EMSY: variants seen among roughly 807,000 people sequenced by gnomAD.
EMSY encodes BRCA2-interacting transcriptional repressor EMSY.
EMSY carries 26 observed loss-of-function variants against 134.6 expected under a neutral mutation model. The ratio of observed to expected loss-of-function variants is 0.19; its 90% CI spans 0.14 to 0.27. The LOEUF is 0.27. EMSY is among the 10% of genes least tolerant of loss of function. The pLI, the probability that EMSY is intolerant of heterozygous loss-of-function variation, is 1.00. For missense variants in EMSY, 1,305 were observed against 1,611.4 expected, an observed-to-expected ratio of 0.81 and a Z score of 3.26; for synonymous variants, 579 against 577.8, an observed-to-expected ratio of 1.00 and a Z score of -0.03.
rs370174107 is a variant in EMSY, at chr11:76,472,554, T to C, written c.832-10T>C. ...AGGTACATAAAAATAACTTATTTTT[T>C]ATTCCTTAGGTTATTATAGTCACCA... On this transcript the variant is annotated splice_polypyrimidine_tract_variant and intron_variant, in intron 7 of 20. Coordinates refer to ENST00000334736, the Ensembl canonical transcript of EMSY. 21 of 1,607,420 alleles carry C rather than the reference T, an allele frequency of 1.3e-5. No homozygotes were observed. The African/African-American group carries it at 2.8e-4, about 22-fold the overall frequency.
At chr11:76,528,906 T>C (rs1950938663) in intron 14 of EMSY, among the ~76,000 whole-genome samples, 1 of 152,120 alleles carries the variant, frequency 6.6e-6, no homozygotes, top group African/African-American at 2.4e-5. Context: ...GTAAGTAGGG[T>C]GACTATACAT....
At chr11:76,538,920 T>G (rs905824205) in intron 16 of EMSY, among the ~76,000 whole-genome samples, 1 of 152,200 alleles carries the variant, frequency 6.6e-6, no homozygotes, top group Non-Finnish European at 1.5e-5. Context: ...ACTATGCCAC[T>G]GCACTCCAGC....
At chr11:76,514,889 C>G (rs1283502422) in intron 10 of EMSY, among the ~76,000 whole-genome samples, 2 of 152,036 alleles carry the variant, frequency 1.3e-5, no homozygotes, top group African/African-American at 4.8e-5. Context: ...CAGTGTTATG[C>G]ATATATGATT....
At chr11:76,536,455 G>T (rs1450372906) in intron 15 of EMSY, among the ~76,000 whole-genome samples, 1 of 152,128 alleles carries the variant, frequency 6.6e-6, no homozygotes. Flanking sequence ...CAGATTGAAG[G>T]GCCTTGCCAT....
At chr11:76,455,883 T>C (rs1947851633) in intron 4 of EMSY, among the ~76,000 whole-genome samples, 1 of 152,184 alleles carries the variant, frequency 6.6e-6, no homozygotes, top group South Asian at 2.1e-4. Flanking sequence ...AAAGTGTCTA[T>C]CTGGAATTTC....
At chr11:76,450,908 G>A (rs897979467) in intron 2 of EMSY, among the ~76,000 whole-genome samples, 3 of 149,546 alleles carry the variant, frequency 2.0e-5, no homozygotes, top group Admixed American at 6.7e-5. Flanking sequence ...ATCCTCCCAC[G>A]TCAGCCTCCT....
At chr11:76,510,302 AT>A (rs753114634) in intron 9 of EMSY, among the ~76,000 whole-genome samples, 1 of 152,254 alleles carries the variant, frequency 6.6e-6, no homozygotes, top group Non-Finnish European at 1.5e-5. Flanking sequence ...GTGAGCCATG[AT>A]CACACCATTG....
At chr11:76,519,721 C>A (rs1042683757) in intron 11 of EMSY, among the ~76,000 whole-genome samples, 1 of 152,098 alleles carries the variant, frequency 6.6e-6, no homozygotes, top group South Asian at 2.1e-4. Flanking sequence ...AATTTGTGTT[C>A]TTCTTTAAGC....
chr11:76,447,601 C>G (rs1285530249), intron 2 of EMSY, among the ~76,000 whole-genome samples: 1 of 152,060 alleles, frequency 6.6e-6, no homozygotes, highest in Non-Finnish European at 1.5e-5. Flanking sequence ...GTTTCTTTTC[C>G]CTTACAGCAG....
chr11:76,512,805 AT>A, intron 9 of EMSY, among the ~76,000 whole-genome samples: 2 of 151,666 alleles, frequency 1.3e-5, no homozygotes, highest in African/African-American at 2.4e-5. Context: ...GTCCACACAC[AT>A]TTTTTTGTGT....
chr11:76,505,744 C>CTACTTGG (rs1337440309), intron 9 of EMSY, among the ~76,000 whole-genome samples: 1 of 151,968 alleles, frequency 6.6e-6, no homozygotes, highest in Non-Finnish European at 1.5e-5. Context: ...GTAGTCCCAG[C>CTACTTGG]TACTTGGGAG....
intron 8 of EMSY, among the ~76,000 whole-genome samples, chr11:76,479,578 C>T (rs1948891385): frequency 6.6e-6 from 1 of 152,132 alleles, no homozygotes; most frequent in South Asian, 2.1e-4. Context: ...TCCAAAAGGC[C>T]TGCAGATACC....
chr11:76,489,637 CT>C (rs1483794502), intron 8 of EMSY, among the ~76,000 whole-genome samples: 3 of 144,448 alleles, frequency 2.1e-5, no homozygotes, highest in Non-Finnish European at 3.0e-5. Context: ...TGGAGTCTTG[CT>C]CTATCGCCCA....
At chr11:76,549,672 A>G (rs1169467707) in intron 20 of EMSY, among the ~76,000 whole-genome samples, 1 of 152,172 alleles carries the variant, frequency 6.6e-6, no homozygotes, top group Non-Finnish European at 1.5e-5. Flanking sequence ...ACCCTGACCA[A>G]CTGTGTGACT....
At chr11:76,459,773 T>C (rs1948031324) in intron 5 of EMSY, 160 bp from the exon 7 acceptor site, 2 of 641,498 alleles carry the variant, frequency 3.1e-6, no homozygotes, top group Admixed American at 3.1e-5. Flanking sequence ...TCAGGAAAGG[T>C]TATTAATGCC....
chr11:76,465,006 G>A (rs1948292441), intron 7 of EMSY, among the ~76,000 whole-genome samples: 1 of 152,138 alleles, frequency 6.6e-6, no homozygotes, highest in East Asian at 1.9e-4. Flanking sequence ...CAAACTTTCA[G>A]TAACTTTCAG....
chr11:76,526,312 A>G (rs1237769623), intron 12 of EMSY, 150 bp from the exon 14 acceptor site: 6 of 513,876 alleles, frequency 1.2e-5, no homozygotes, highest in Non-Finnish European at 1.9e-5. Flanking sequence ...CAAGTCTACG[A>G]TTTTTGATTT....
intron 11 of EMSY, among the ~76,000 whole-genome samples, chr11:76,517,963 ATTCTT>A (rs1234253526): frequency 2.0e-5 from 3 of 152,008 alleles, no homozygotes; most frequent in African/African-American, 7.2e-5. Context: ...ACATCTCACT[ATTCTT>A]TATAAAGACA....
intron 14 of EMSY, among the ~76,000 whole-genome samples, chr11:76,530,155 GTTTT>G (rs61227279): frequency 8.7e-5 from 10 of 114,348 alleles, no homozygotes; most frequent in Non-Finnish European, 1.7e-4. Context: ...AATCTTTAGG[GTTTT>G]TTTTTTTTTT....
Sources: allele counts gnomAD v4.1 joint callset (sites outside exome capture counted in the v4.1 genomes callset), GRCh38; gene constraint gnomAD v4.1.1; transcripts MANE v1.5; gene names NCBI Gene and HGNC (gene_info 2026-07-23, HGNC 2026-07-21).